The following ATXN1 variants were observed in gnomAD, a reference collection of about 807,000 sequenced individuals.
The protein encoded by ATXN1 is ataxin 1.
In ATXN1, 8 loss-of-function variants were observed where a neutral mutation model predicts 56.4. The ratio of observed to expected loss-of-function variants is 0.14; its 90% CI spans 0.08 to 0.26. The LOEUF (loss-of-function observed/expected upper bound fraction) is 0.26, where lower values mean the gene tolerates loss of function less well. ATXN1 is among the 10% of genes least tolerant of loss of function. The probability of loss-of-function intolerance (pLI) is 1.00; values close to 1 mark genes in which losing one functional copy is unlikely to be tolerated. For missense variants in ATXN1, 987 were observed against 1,106.5 expected, an observed-to-expected ratio of 0.89 and a Z score of 1.53; for synonymous variants, 514 against 494.6, an observed-to-expected ratio of 1.04 and a Z score of -0.52.
chr6:16,367,095 T>C (rs771383899), intron 6 of ATXN1, among the ~76,000 whole-genome samples: 2 of 152,200 alleles, frequency 1.3e-5, no homozygotes, highest in Non-Finnish European at 2.9e-5. Flanking sequence ...CACAGACACA[T>C]AGCATAATTC....
chr6:16,379,555 T>A (rs1762209605), intron 6 of ATXN1, among the ~76,000 whole-genome samples: 1 of 152,200 alleles, frequency 6.6e-6, no homozygotes, highest in Admixed American at 6.5e-5. Context: ...AACAGTGCTA[T>A]GCAAGCAGAA....
At chr6:16,678,415 T>C (rs746734022) in intron 2 of ATXN1, among the ~76,000 whole-genome samples, 4 of 152,242 alleles carry the variant, frequency 2.6e-5, no homozygotes, top group Non-Finnish European at 4.4e-5. Context: ...TTTTATTCTA[T>C]CTTATATTAG....
intron 6 of ATXN1, among the ~76,000 whole-genome samples, chr6:16,355,109 G>A (rs1274629408): frequency 1.3e-5 from 2 of 152,130 alleles, no homozygotes; most frequent in African/African-American, 4.8e-5. Context: ...TAACTCTGGG[G>A]CAGTTGAACT....
chr6:16,489,775 G>A (rs891796836), intron 5 of ATXN1, among the ~76,000 whole-genome samples: 8 of 152,032 alleles, frequency 5.3e-5, no homozygotes, highest in Non-Finnish European at 1.0e-4. Context: ...CTATGATCAC[G>A]CCACTGTACC....
chr6:16,479,093 G>C (rs557368113), intron 6 of ATXN1, among the ~76,000 whole-genome samples: 1 of 152,268 alleles, frequency 6.6e-6, no homozygotes, highest in South Asian at 2.1e-4. Context: ...ATAAAAACCT[G>C]TCTGAGTTTT....
Position 16,456,828 on chromosome 6 carries a change from C to T in ATXN1, c.-161+29144G>A, listed in dbSNP as rs1360516499. On this transcript the variant is annotated intron_variant, in intron 6 of 7. Transcript: ENST00000436367. ...CTGCTCCCTTCTTTAGGCACCCAGG[C>T]TCACCAATCAGAAAGACATAATTTT... Among the ~76,000 whole-genome samples the T allele has an allele frequency of 2.6e-5, 4 of 152,174 alleles. No individual in the cohort carries two copies. In the East Asian group the frequency reaches 5.8e-4, roughly 22 times the overall value.
chr6:16,417,731 C>G (rs187536886), intron 6 of ATXN1, among the ~76,000 whole-genome samples: 2 of 152,140 alleles, frequency 1.3e-5, no homozygotes, highest in Admixed American at 1.3e-4. Flanking sequence ...AGCCACCACA[C>G]GTGGCCACAA....
At chr6:16,428,489 G>A (rs1461842834) in intron 6 of ATXN1, among the ~76,000 whole-genome samples, 2 of 147,122 alleles carry the variant, frequency 1.4e-5, no homozygotes, top group Admixed American at 1.4e-4. Context: ...TGAAAGTAAT[G>A]GCAAAATCAC....
intron 6 of ATXN1, among the ~76,000 whole-genome samples, chr6:16,373,533 C>T (rs978452925): frequency 6.6e-6 from 1 of 152,148 alleles, no homozygotes; most frequent in Non-Finnish European, 1.5e-5. Flanking sequence ...GGCTGTGTCC[C>T]CACCCAAGTG....
intron 6 of ATXN1, among the ~76,000 whole-genome samples, chr6:16,484,515 C>T (rs1219292485): frequency 1.3e-5 from 2 of 152,122 alleles, no homozygotes; most frequent in Non-Finnish European, 2.9e-5. Flanking sequence ...GGGCTCGCGA[C>T]TTGCCCAAGG....
At chr6:16,646,143 G>A (rs1763795109) in intron 3 of ATXN1, among the ~76,000 whole-genome samples, 1 of 152,194 alleles carries the variant, frequency 6.6e-6, no homozygotes, top group Non-Finnish European at 1.5e-5. Flanking sequence ...GATCACCTGG[G>A]CTCAGGAGGT....
chr6:16,361,708 T>A (rs937332902), intron 6 of ATXN1, among the ~76,000 whole-genome samples: 1 of 152,146 alleles, frequency 6.6e-6, no homozygotes, highest in African/African-American at 2.4e-5. Flanking sequence ...TTCCCAAACT[T>A]CTCCTCCTCC....
chr6:16,532,654 A>T (rs986099888), intron 4 of ATXN1, among the ~76,000 whole-genome samples: 2 of 152,164 alleles, frequency 1.3e-5, no homozygotes, highest in Admixed American at 1.3e-4. Context: ...GCAAATCAAA[A>T]CCACAATGAC....
intron 6 of ATXN1, among the ~76,000 whole-genome samples, chr6:16,393,145 C>T (rs1758388701): frequency 6.6e-6 from 1 of 152,104 alleles, no homozygotes; most frequent in Admixed American, 6.5e-5. Context: ...TTTCTCAGAC[C>T]CACTAACAGA....
intron 3 of ATXN1, among the ~76,000 whole-genome samples, chr6:16,625,178 A>C (rs893905369): frequency 2.6e-5 from 4 of 152,150 alleles, no homozygotes; most frequent in Non-Finnish European, 5.9e-5. Flanking sequence ...ACCTTAATTC[A>C]CTTCTCTATG....
chr6:16,379,233 G>T (rs1450638368), intron 6 of ATXN1, among the ~76,000 whole-genome samples: 2 of 152,172 alleles, frequency 1.3e-5, no homozygotes, highest in Non-Finnish European at 2.9e-5. Flanking sequence ...GCATAAGAAT[G>T]ATACAGCGGA....
chr6:16,729,391 T>C (rs1476789744), intron 2 of ATXN1, among the ~76,000 whole-genome samples: 1 of 152,190 alleles, frequency 6.6e-6, no homozygotes, highest in East Asian at 1.9e-4. Context: ...CTGGCTTTCT[T>C]TGAAATGTTT....
intron 6 of ATXN1, among the ~76,000 whole-genome samples, chr6:16,443,839 A>G (rs957559445): frequency 5.9e-5 from 9 of 152,220 alleles, no homozygotes; most frequent in Admixed American, 2.0e-4. Flanking sequence ...ACACACGGCC[A>G]GGCACGATGG....
intron 3 of ATXN1, among the ~76,000 whole-genome samples, chr6:16,647,022 TG>T (rs1763810028): frequency 6.6e-6 from 1 of 152,192 alleles, no homozygotes; most frequent in Admixed American, 6.5e-5. Flanking sequence ...TTGTTTTTTT[TG>T]AGAAGAAGTC....
Sources: gnomAD v4.1 joint callset for allele counts (sites outside exome capture counted in the v4.1 genomes callset) on GRCh38, gnomAD v4.1.1 for gene constraint, MANE v1.5 for transcripts, NCBI Gene and HGNC (gene_info 2026-07-23, HGNC 2026-07-21) for gene names.